NTRK3: variants seen among roughly 807,000 people sequenced by gnomAD.
NTRK3 encodes NT-3 growth factor receptor.
A neutral mutation model predicts 91.7 loss-of-function variants in NTRK3; 24 were observed. That is an observed-to-expected ratio of 0.26 (90% CI 0.19 to 0.37). The LOEUF is 0.37. NTRK3 is among the 10% of genes least tolerant of loss of function. The pLI is 1.00. For missense variants in NTRK3, 880 were observed against 1,068.9 expected, an observed-to-expected ratio of 0.82 and a Z score of 2.46; for synonymous variants, 483 against 404.0, an observed-to-expected ratio of 1.20 and a Z score of -2.34.
intron 14 of NTRK3, among the ~76,000 whole-genome samples, chr15:88,015,652 G>A (rs1421115759): frequency 6.6e-6 from 1 of 152,140 alleles, no homozygotes; most frequent in African/African-American, 2.4e-5. Flanking sequence ...TTCCTGGCCT[G>A]TCTCCCCAGC....
At chr15:88,165,039 T>C (rs1375035587) in intron 5 of NTRK3, among the ~76,000 whole-genome samples, 1 of 152,222 alleles carries the variant, frequency 6.6e-6, no homozygotes, top group Non-Finnish European at 1.5e-5. Context: ...TCCCACTTGG[T>C]TCCATGTAGA....
At chr15:88,032,347 C>G (rs190889093) in intron 14 of NTRK3, among the ~76,000 whole-genome samples, 38 of 152,158 alleles carry the variant, frequency 2.5e-4, no homozygotes, top group African/African-American at 9.2e-4. Flanking sequence ...GAGTTCCTAG[C>G]GCTGGGGCTG....
At chr15:87,993,543 T>TGATG (rs1372091027) in intron 14 of NTRK3, among the ~76,000 whole-genome samples, 2 of 152,156 alleles carry the variant, frequency 1.3e-5, no homozygotes, top group African/African-American at 4.8e-5. Context: ...CTTTTTAATT[T>TGATG]GATGGAAGCA....
Position 88,156,862 on chromosome 15 carries a change from G to A in NTRK3, c.396-9459C>T, listed in dbSNP as rs572500792. Among the ~76,000 whole-genome samples the A allele has an allele frequency of 4.6e-5, 7 of 152,224 alleles. No individual in the cohort carries two copies. In the South Asian group the frequency reaches 6.2e-4, roughly 14 times the overall value. Reference sequence around the variant, plus strand: ...GGAACCCAGTAAGTGCTCAAAGAACGTATGGAAAGTTCAACGGAAGACCCA... The same window carrying A: ...GGAACCCAGTAAGTGCTCAAAGAACATATGGAAAGTTCAACGGAAGACCCA... On this transcript the variant is annotated intron_variant, in intron 5 of 18. Coordinates refer to ENST00000394480, the Ensembl canonical transcript of NTRK3.
chr15:87,932,127 G>A (rs988016502), intron 16 of NTRK3, among the ~76,000 whole-genome samples: 31 of 152,164 alleles, frequency 2.0e-4, no homozygotes, highest in Non-Finnish European at 3.5e-4. Flanking sequence ...GGAAGGGAAA[G>A]CCACCCTTGA....
chr15:87,959,755 A>G (rs957344051), intron 14 of NTRK3, among the ~76,000 whole-genome samples: 31 of 152,208 alleles, frequency 2.0e-4, no homozygotes, highest in Admixed American at 6.5e-5. Flanking sequence ...GGGCCACGGA[A>G]TCTACTGGAA....
chr15:88,023,562 T>C (rs982643250), intron 14 of NTRK3, among the ~76,000 whole-genome samples: 1 of 152,234 alleles, frequency 6.6e-6, no homozygotes, highest in Non-Finnish European at 1.5e-5. Flanking sequence ...ATTCATCTTA[T>C]GGTTCCCCTA....
At chr15:87,873,172 GAGA>G in exon 19 of NTRK3, 1 of 232,008 alleles carries the variant, frequency 4.3e-6, no homozygotes. Context: ...GGCATCACTA[GAGA>G]AGAACATTAA....
At chr15:87,962,958 C>G (rs897709059) in intron 14 of NTRK3, among the ~76,000 whole-genome samples, 14 of 152,148 alleles carry the variant, frequency 9.2e-5, no homozygotes, top group African/African-American at 3.4e-4. Flanking sequence ...CCAGAAGAGC[C>G]CTTTGGGGAA....
chr15:87,892,305 G>C (rs773991395), intron 17 of NTRK3, among the ~76,000 whole-genome samples: 15 of 152,136 alleles, frequency 9.9e-5, no homozygotes, highest in Non-Finnish European at 2.2e-4. Context: ...CAAACGACTG[G>C]AGAGGGACAA....
At chr15:87,865,110 C>G (rs888654221) in exon 19 of NTRK3, 7 of 213,162 alleles carry the variant, frequency 3.3e-5, no homozygotes, top group Non-Finnish European at 6.6e-5. Context: ...TGAACTTGAG[C>G]AAAATATTTG....
intron 17 of NTRK3, among the ~76,000 whole-genome samples, chr15:87,909,092 G>A (rs1213648015): frequency 6.6e-6 from 1 of 152,030 alleles, no homozygotes; most frequent in Non-Finnish European, 1.5e-5. Context: ...TGCTTTTAGG[G>A]CTACCCAGAT....
intron 18 of NTRK3, 69 bp downstream of exon 19, chr15:87,880,201 C>T (rs2141464120): frequency 6.2e-7 from 1 of 1,601,548 alleles, no homozygotes; most frequent in Admixed American, 1.7e-5. Flanking sequence ...TCAGTAGGTC[C>T]AAGTTCTGGG....
rs1439781329 is a variant in NTRK3, at chr15:88,034,044, T to C, written c.1397-999A>G. Among the ~76,000 whole-genome samples the C allele has an allele frequency of 4.6e-5, 7 of 152,260 alleles. No individual in the cohort carries two copies. In the South Asian group the frequency reaches 1.5e-3, roughly 32 times the overall value. On this transcript the variant is annotated intron_variant, in intron 13 of 18. Transcript: ENST00000394480. ...TACAATCAGGATCAAGAAACTCTGA[T>C]GAGTGGCTCAAAGACCTAGAGCCTC...
chr15:88,224,002 C>T (rs1378864767), intron 3 of NTRK3, among the ~76,000 whole-genome samples: 1 of 152,176 alleles, frequency 6.6e-6, no homozygotes, highest in Non-Finnish European at 1.5e-5. Context: ...GGCCTCCAGG[C>T]AACACTCAAG....
intron 14 of NTRK3, among the ~76,000 whole-genome samples, chr15:87,997,720 T>C (rs1250286798): frequency 1.3e-5 from 2 of 152,170 alleles, no homozygotes; most frequent in African/African-American, 4.8e-5. Flanking sequence ...TTGAGGTACG[T>C]TTCTTACGTA....
At chr15:87,933,649 G>A (rs1386716412) in intron 15 of NTRK3, among the ~76,000 whole-genome samples, 1 of 152,258 alleles carries the variant, frequency 6.6e-6, no homozygotes, top group Non-Finnish European at 1.5e-5. Flanking sequence ...AAACTGGGCA[G>A]GCAACACAAT....
chr15:88,063,936 T>C (rs897892435), intron 13 of NTRK3, among the ~76,000 whole-genome samples: 1 of 152,216 alleles, frequency 6.6e-6, no homozygotes, highest in Non-Finnish European at 1.5e-5. Context: ...AAGACATATG[T>C]CCACCTCAAA....
rs1397156477 is a variant in NTRK3, at chr15:88,235,187, CG to C, written c.248+20718del. On this transcript the variant is annotated intron_variant, in intron 3 of 18. Coordinates refer to ENST00000394480, the Ensembl canonical transcript of NTRK3. The surrounding 1 kb of genome is among the most constrained non-coding windows in gnomAD (Gnocchi z 5.2). ...ACTGATTTCTTTGCTTGCATATCAA[CG>C]GATGGCCTCTATCCACTGAATTGTA... 3.3e-5 allele frequency among the ~76,000 whole-genome samples: 5 copies of C among 152,182 alleles called. No homozygotes were observed. The highest frequency in any genetic ancestry group is 1.2e-4 in the African/African-American group (5 of 41,434).
Sources: gnomAD v4.1 joint callset for allele counts (sites outside exome capture counted in the v4.1 genomes callset) on GRCh38, gnomAD v4.1.1 for gene constraint, Gnocchi (gnomAD v3.1) non-coding constraint, MANE v1.5 for transcripts, NCBI Gene and HGNC (gene_info 2026-07-23, HGNC 2026-07-21) for gene names.